GSDMC: variants seen among roughly 807,000 people sequenced by gnomAD.
The protein encoded by GSDMC is gasdermin C, also known as gasdermin-C.
In GSDMC, 59 loss-of-function variants were observed where a neutral mutation model predicts 58.0. That is an observed-to-expected ratio of 1.02 (90% CI 0.82 to 1.26). The LOEUF (loss-of-function observed/expected upper bound fraction) is 1.26. Ranked by LOEUF, GSDMC falls within the 50% of genes most tolerant of loss-of-function variation. The pLI is 0.00. For missense variants in GSDMC, 659 were observed against 598.5 expected (o/e 1.10, Z -1.06); for synonymous variants, 241 against 220.2 (o/e 1.09, Z -0.83).
the GSDMC span, among the ~76,000 whole-genome samples, chr8:129,726,132 A>G: frequency 3.3e-5 from 5 of 152,266 alleles, no homozygotes; most frequent in Non-Finnish European, 5.9e-5. Flanking sequence ...TAGCATAAGC[A>G]GTTGACATTT....
chr8:129,752,123 A>T lies in GSDMC; in HGVS notation c.869T>A (p.Leu290Ter). ...KPELFLTQQFLSGHLPKYEQV... is the reference protein window; with the variant it reads ...KPELFLTQQF ...CCACTCACTTGGCAAATGCCCGCTC[A>T]AAAATTGCTGTGTCAGAAATAGCTC... is the stretch of plus-strand genomic sequence containing the variant. Residue 290 changes from leucine to a stop codon, truncating the protein, a stop_gained, in exon 8 of 14, where the codon TTG (leucine) becomes TAG (stop). Transcript: ENST00000276708. LOFTEE classifies it high-confidence loss of function. The T allele has an allele frequency of 6.2e-7, 1 of 1,613,402 alleles. No individual in the cohort carries two copies. The highest frequency in any genetic ancestry group is 8.5e-7 in the Non-Finnish European group (1 of 1,179,340).
intron 3 of GSDMC, among the ~76,000 whole-genome samples, chr8:129,773,837 C>T (rs1209310095): frequency 6.8e-6 from 1 of 147,438 alleles, no homozygotes; most frequent in Non-Finnish European, 1.5e-5. Flanking sequence ...TAATAAAATA[C>T]TTGTGAATAC....
Position 129,750,203 on chromosome 8 carries a change from A to T in GSDMC, c.1084-84T>A, listed in dbSNP as rs1422160498. The T allele has an allele frequency of 1.1e-5, 13 of 1,200,370 alleles. No individual in the cohort carries two copies. The East Asian group carries it at 3.4e-4, about 31-fold the overall frequency. The allele number at this position is 1,200,370 out of a possible 1,614,324, so 74.4% of individuals were successfully genotyped here. On this transcript the variant is annotated intron_variant, in intron 11 of 13. Coordinates refer to ENST00000276708, the MANE Select transcript of GSDMC (RefSeq NM_031415.3). ...TTGCCTGTGTCTACTGGTGATAACC[A>T]AGGGGTAGGCATGAGGGTTCTCTAC...
chr8:129,752,216 T>C, intron 7 of GSDMC, 69 bp from the exon 8 acceptor site: 1 of 1,211,210 alleles, frequency 8.3e-7, no homozygotes, highest in South Asian at 1.2e-5. Context: ...CCTCTACTTC[T>C]TTCCCTCTTG....
the GSDMC span, among the ~76,000 whole-genome samples, chr8:129,728,174 C>G: frequency 6.6e-6 from 1 of 152,148 alleles, no homozygotes; most frequent in South Asian, 2.1e-4. Flanking sequence ...GATCAGCAGC[C>G]TGAGTCTCCT....
chr8:129,766,254 ACT>A (rs952723962), intron 3 of GSDMC, among the ~76,000 whole-genome samples: 5 of 151,810 alleles, frequency 3.3e-5, no homozygotes, highest in Admixed American at 6.6e-5. Context: ...AAGCGAGAAG[ACT>A]CTGCATGATT....
At chr8:129,752,953 C>T (rs1563790224) in intron 6 of GSDMC, 133 bp from the exon 7 acceptor site, 1 of 1,437,718 alleles carries the variant, frequency 7.0e-7, no homozygotes, top group African/African-American at 1.4e-5. Context: ...GAACAAGACC[C>T]ACTCAAAGAG....
rs777970864 is a variant in GSDMC at position 129,765,772 on chromosome 8, T to C, written c.426A>G (p.Pro142=). The change falls in exon 4 of 14, where the codon CCA becomes CCG. Residue 142 remains proline (P), a synonymous_variant. Coordinates refer to ENST00000276708, the MANE Select transcript of GSDMC (RefSeq NM_031415.3). ...FQKRKLLDPE[P]SFLKECRRRG... ...TCCTCCGGCACTCCTTCAGAAATGA[T>C]GGCTCTGGATCCAACAGTTTCCTGG... 22 of 1,613,960 alleles carry C rather than the reference T, an allele frequency of 1.4e-5. No homozygotes were observed. Among genetic ancestry groups the C allele is most frequent in the Non-Finnish European group, 1.9e-5 (22 of 1,179,916 alleles).
Position 129,748,328 on chromosome 8 carries a change from T to A in GSDMC, c.*173A>T, listed in dbSNP as rs554842129. 23 of 548,232 alleles carry A rather than the reference T, an allele frequency of 4.2e-5. No individual in the cohort carries two copies. In the African/African-American group the frequency reaches 4.3e-4, roughly 10 times the overall value. 34.0% of individuals were successfully genotyped at this position (548,232 alleles called of 1,614,324 possible). A position where few individuals can be genotyped will look rare whatever the true frequency, so the allele number is the denominator to read the frequency against. The stretch of plus-strand genomic sequence containing the variant: ...GTCAATATATAAACTCTTGTCAATA[T>A]ATAGAGTATTCCACCACCCCAAAAC... On this transcript the variant is annotated 3_prime_UTR_variant, in exon 14 of 14. Transcript: ENST00000276708.
intron 12 of GSDMC, among the ~76,000 whole-genome samples, 199 bp from the exon 13 acceptor site, chr8:129,749,724 G>C (rs2033093751): frequency 6.6e-6 from 1 of 152,132 alleles, no homozygotes; most frequent in African/African-American, 2.4e-5. Context: ...CCAGAGGACG[G>C]GATTCAGGGG....
intron 3 of GSDMC, among the ~76,000 whole-genome samples, chr8:129,767,280 A>G (rs1047200593): frequency 1.3e-5 from 2 of 151,902 alleles, no homozygotes; most frequent in African/African-American, 2.4e-5. Context: ...GCCAAGCCTA[A>G]GACTTTGCCC....
At chr8:129,741,882 G>C in the GSDMC span, among the ~76,000 whole-genome samples, 1 of 143,264 alleles carries the variant, frequency 7.0e-6, no homozygotes, top group Non-Finnish European at 1.5e-5. Flanking sequence ...CAATCTAAGT[G>C]TTCATAAACA....
At chr8:129,736,262 A>T in the GSDMC span, among the ~76,000 whole-genome samples, 1 of 152,206 alleles carries the variant, frequency 6.6e-6, no homozygotes, top group East Asian at 1.9e-4. Flanking sequence ...CAATCAATAG[A>T]AAAACAGGGA....
chr8:129,730,496 C>T, the GSDMC span: 2 of 679,858 alleles, frequency 2.9e-6, no homozygotes, highest in South Asian at 2.5e-5. Context: ...TCTACTACAG[C>T]ACATCCACAT....
the GSDMC span, among the ~76,000 whole-genome samples, chr8:129,735,397 T>C: frequency 6.6e-6 from 1 of 152,176 alleles, no homozygotes; most frequent in Non-Finnish European, 1.5e-5. Flanking sequence ...ATTGACCACA[T>C]AGTTGGAAGT....
chr8:129,757,855 G>C (rs926820933), intron 6 of GSDMC, among the ~76,000 whole-genome samples: 2 of 152,088 alleles, frequency 1.3e-5, no homozygotes, highest in African/African-American at 4.8e-5. Context: ...AGCCAGGCAT[G>C]GTGACACATG....
chr8:129,715,988 G>A, the GSDMC span, among the ~76,000 whole-genome samples: 25 of 151,998 alleles, frequency 1.6e-4, no homozygotes, highest in Admixed American at 3.9e-4. Flanking sequence ...TGAACCTAAA[G>A]CAACTTCTAA....
At chr8:129,774,548 A>T (rs1249076302) in intron 3 of GSDMC, among the ~76,000 whole-genome samples, 1 of 151,772 alleles carries the variant, frequency 6.6e-6, no homozygotes, top group Non-Finnish European at 1.5e-5. Flanking sequence ...AAAAGAAAAG[A>T]AAAGAAAAAA....
At chr8:129,711,943 T>C in the GSDMC span, among the ~76,000 whole-genome samples, 1,823 of 152,048 alleles carry the variant, frequency 0.012, 35 homozygotes, top group African/African-American at 0.042. Flanking sequence ...CTCTGAAGAG[T>C]CACAGCATGC....
Sources: gnomAD v4.1 joint callset for allele counts (sites outside exome capture counted in the v4.1 genomes callset) on GRCh38, gnomAD v4.1.1 for gene constraint, MANE v1.5 for transcripts, NCBI Gene and HGNC (gene_info 2026-07-23, HGNC 2026-07-21) for gene names.